FYB1: variants seen among roughly 807,000 people sequenced by gnomAD.
FYB1 encodes the protein FYN-binding protein 1.
Under a neutral mutation model 94.1 loss-of-function variants are expected in FYB1, and 41 were observed. The ratio of observed to expected loss-of-function variants is 0.44; its 90% confidence interval spans 0.34 to 0.57. The LOEUF (loss-of-function observed/expected upper bound fraction) is 0.57. Ranked by LOEUF, FYB1 falls within the 20% of genes least tolerant of loss-of-function variation. The pLI is 0.02. For synonymous variants in FYB1, 367 were observed against 353.2 expected (o/e 1.04, Z -0.44); for missense variants, 1,050 against 976.8 (o/e 1.07, Z -1.00).
upstream of FYB1, among the ~76,000 whole-genome samples, chr5:39,222,027 GTAAAATAAAA>G (rs953731424): frequency 6.7e-5 from 10 of 149,414 alleles, no homozygotes; most frequent in African/African-American, 2.0e-4. Flanking sequence ...ATAAAATAAA[GTAAAATAAAA>G]TAAAATAAAA....
chr5:39,180,474 T>A (rs1363654899), intron 2 of FYB1, among the ~76,000 whole-genome samples: 1 of 152,138 alleles, frequency 6.6e-6, no homozygotes, highest in Non-Finnish European at 1.5e-5. Flanking sequence ...TGCTTTTGGG[T>A]GTTGGACAAG....
intron 1 of FYB1, among the ~76,000 whole-genome samples, chr5:39,203,307 T>A (rs903026708): frequency 1.3e-5 from 2 of 152,246 alleles, no homozygotes; most frequent in Non-Finnish European, 2.9e-5. Context: ...TTGGTATTAT[T>A]TATTTTTAAA....
intron 2 of FYB1, among the ~76,000 whole-genome samples, chr5:39,185,623 C>CACATATATATATAT (rs1561230349): frequency 2.9e-5 from 4 of 138,756 alleles, no homozygotes; most frequent in African/African-American, 1.2e-4. Context: ...TATATATATA[C>CACATATATATATAT]ACACATATAT....
rs770310812 is a variant in FYB1 at position 39,202,421 on chromosome 5, A to G, written c.540T>C (p.Phe180=). 1 of 1,613,864 alleles carries G rather than the reference A, an allele frequency of 6.2e-7. No homozygotes were observed. Among genetic ancestry groups the G allele is most frequent in the East Asian group, 2.2e-5 (1 of 44,862 alleles). The change falls in exon 2 of 19, where the codon TTT becomes TTC. Residue 180 remains phenylalanine (F), a synonymous_variant. Transcript: ENST00000512982. ...FPKLTGVKGK[F]MSASQDLEPK... is the part of the protein sequence containing the mutation. ...GTTCAAGATCTTGTGATGCTGACAT[A>G]AATTTCCCTTTAACCCCAGTCAATT...
chr5:39,166,461 GAT>G (rs1259779906), intron 2 of FYB1, among the ~76,000 whole-genome samples: 2 of 150,094 alleles, frequency 1.3e-5, no homozygotes, highest in Admixed American at 1.3e-4. Flanking sequence ...AAGAAATAAA[GAT>G]ATCATTTTAC....
chr5:39,243,627 C>G (rs1561303067), intron 1 of FYB1, among the ~76,000 whole-genome samples: 2 of 152,110 alleles, frequency 1.3e-5, no homozygotes, highest in Admixed American at 6.5e-5. Flanking sequence ...AATGCAGGCT[C>G]TTTTTTGGTT....
At chr5:39,201,672 A>G (rs559045630) in intron 2 of FYB1, among the ~76,000 whole-genome samples, 154 bp downstream of exon 2, 8 of 152,198 alleles carry the variant, frequency 5.3e-5, no homozygotes, top group Non-Finnish European at 1.2e-4. Context: ...GACCTCCCAC[A>G]TGAAAGAAAA....
chr5:39,140,950 A>G (rs1428958168), intron 4 of FYB1, 145 bp downstream of exon 4: 1 of 626,666 alleles, frequency 1.6e-6, no homozygotes, highest in Non-Finnish European at 2.9e-6. Context: ...CATGAGGATA[A>G]GAGGGAATAA....
chr5:39,121,982 G>C (rs1200991313), intron 14 of FYB1, among the ~76,000 whole-genome samples: 4 of 152,120 alleles, frequency 2.6e-5, no homozygotes, highest in Non-Finnish European at 5.9e-5. Context: ...AGTGAGACTG[G>C]TTGTGACCAA....
chr5:39,269,903 C>T (rs1332384767), intron 1 of FYB1: 1 of 151,854 alleles, frequency 6.6e-6, no homozygotes, highest in African/African-American at 2.4e-5. Context: ...TTTGGGAGCC[C>T]TCCTTTTTTT....
chr5:39,256,242 A>C (rs1184718410), intron 1 of FYB1, among the ~76,000 whole-genome samples: 1 of 152,214 alleles, frequency 6.6e-6, no homozygotes, highest in Non-Finnish European at 1.5e-5. Flanking sequence ...AATGAACCCA[A>C]AGGAGAAACC....
chr5:39,266,403 T>C (rs928527697), intron 1 of FYB1, among the ~76,000 whole-genome samples: 10 of 152,198 alleles, frequency 6.6e-5, no homozygotes, highest in African/African-American at 2.4e-4. Context: ...GGTTGGAAGA[T>C]GAGCCCAGTG....
Position 39,188,340 on chromosome 5 carries a change from C to T in FYB1, c.1135+13486G>A, listed in dbSNP as rs892941077. ...TACTTGTTTGCTTAAATGGATTATTCATTCATTTGCATGTTTTGATGTAAT... is the reference window on the plus strand; with the variant it reads ...TACTTGTTTGCTTAAATGGATTATTTATTCATTTGCATGTTTTGATGTAAT... On this transcript the variant is annotated intron_variant, in intron 2 of 18. Coordinates refer to ENST00000512982, the MANE Select transcript of FYB1 (RefSeq NM_001465.6). Among the ~76,000 whole-genome samples the T allele has an allele frequency of 3.9e-5, 6 of 152,212 alleles. No individual in the cohort carries two copies. In the East Asian group the frequency reaches 1.2e-3, roughly 29 times the overall value.
intron 1 of FYB1, among the ~76,000 whole-genome samples, chr5:39,269,977 G>C (rs146521270): frequency 6.6e-6 from 1 of 152,034 alleles, no homozygotes; most frequent in Non-Finnish European, 1.5e-5. Context: ...GCTATGTTAT[G>C]GGTTAAAGTA....
intron 2 of FYB1, among the ~76,000 whole-genome samples, chr5:39,201,148 T>C (rs1308942747): frequency 1.3e-5 from 2 of 152,220 alleles, no homozygotes; most frequent in African/African-American, 4.8e-5. Context: ...TACCATTTCA[T>C]GAGTACTGCT....
intron 16 of FYB1, among the ~76,000 whole-genome samples, chr5:39,112,414 A>G (rs1739154625): frequency 6.6e-6 from 1 of 152,078 alleles, no homozygotes; most frequent in Non-Finnish European, 1.5e-5. Context: ...TCAATCTCAT[A>G]TGATTTGGTA....
intron 2 of FYB1, among the ~76,000 whole-genome samples, chr5:39,177,046 A>G (rs1489818906): frequency 6.6e-6 from 1 of 152,236 alleles, no homozygotes; most frequent in African/African-American, 2.4e-5. Flanking sequence ...CTGACTTTGA[A>G]AGATGTAGAC....
intron 1 of FYB1, among the ~76,000 whole-genome samples, chr5:39,230,842 TATAC>T (rs1750695149): frequency 1.4e-5 from 1 of 72,044 alleles, no homozygotes; most frequent in Non-Finnish European, 2.8e-5. Flanking sequence ...CCTGTCTCAG[TATAC>T]ACACACACAC....
At chr5:39,153,942 T>C (rs1280152878) in intron 2 of FYB1, among the ~76,000 whole-genome samples, 1 of 151,862 alleles carries the variant, frequency 6.6e-6, no homozygotes. Flanking sequence ...CCCATCTAAA[T>C]TTTTTTTAAA....
Sources: gnomAD v4.1 joint callset for allele counts (sites outside exome capture counted in the v4.1 genomes callset) on GRCh38, gnomAD v4.1.1 for gene constraint, MANE v1.5 for transcripts, NCBI Gene and HGNC (gene_info 2026-07-23, HGNC 2026-07-21) for gene names.